JHY: variants seen among roughly 807,000 people sequenced by gnomAD.
JHY encodes the protein jhy protein homolog.
In JHY, 69 loss-of-function variants were observed where a neutral mutation model predicts 78.0. The observed-to-expected ratio is 0.88, with a 90% CI of 0.73 to 1.08. The LOEUF is 1.08. JHY is among the 50% of genes least tolerant of loss of function. The pLI, the probability that JHY is intolerant of heterozygous loss-of-function variation, is 0.00. For missense variants in JHY, 944 were observed against 927.8 expected (o/e 1.02, Z -0.23); for synonymous variants, 368 against 342.6 (o/e 1.07, Z -0.82).
intron 3 of JHY, among the ~76,000 whole-genome samples, chr11:122,919,145 A>G (rs894369144): frequency 1.3e-5 from 2 of 151,892 alleles, no homozygotes; most frequent in Non-Finnish European, 2.9e-5. Context: ...TGAGGTCAGA[A>G]GTTCGGGACC....
At chr11:122,884,987 T>A (rs1464956044) in intron 1 of JHY, among the ~76,000 whole-genome samples, 2 of 151,362 alleles carry the variant, frequency 1.3e-5, no homozygotes, top group Non-Finnish European at 3.0e-5. Flanking sequence ...TTTTTTTTTT[T>A]TTTGTAGAGA....
chr11:122,923,203 A>G (rs974293643), intron 3 of JHY, among the ~76,000 whole-genome samples: 1 of 152,244 alleles, frequency 6.6e-6, no homozygotes, highest in Non-Finnish European at 1.5e-5. Flanking sequence ...TCCAGAGGGC[A>G]GAGGGATAGA....
chr11:122,921,742 C>T (rs1863370614), intron 3 of JHY, among the ~76,000 whole-genome samples: 1 of 152,136 alleles, frequency 6.6e-6, no homozygotes, highest in East Asian at 1.9e-4. Context: ...GTAATCCCAG[C>T]ACTTTGGGAG....
chr11:122,958,079 C>T (rs2135386020), intron 8 of JHY, among the ~76,000 whole-genome samples: 1 of 152,278 alleles, frequency 6.6e-6, no homozygotes, highest in African/African-American at 2.4e-5. Flanking sequence ...TTCCCCTACA[C>T]TCTCCATAGG....
At chr11:122,900,286 G>A (rs1421927271) in intron 2 of JHY, among the ~76,000 whole-genome samples, 3 of 152,122 alleles carry the variant, frequency 2.0e-5, no homozygotes, top group South Asian at 2.1e-4. Flanking sequence ...AGAAACCTGG[G>A]TCCACATTAA....
At chr11:122,943,698 A>G (rs1863915385) in intron 5 of JHY, among the ~76,000 whole-genome samples, 1 of 152,176 alleles carries the variant, frequency 6.6e-6, no homozygotes, top group African/African-American at 2.4e-5. Flanking sequence ...GATGTAATCA[A>G]TATTTTTATT....
chr11:122,891,857 A>G (rs1164919647), intron 2 of JHY, among the ~76,000 whole-genome samples: 1 of 152,236 alleles, frequency 6.6e-6, no homozygotes, highest in Non-Finnish European at 1.5e-5. Context: ...GCCACTAATT[A>G]CAAGTATTCA....
chr11:122,896,334 C>T (rs1862739559), intron 2 of JHY, among the ~76,000 whole-genome samples: 1 of 97,644 alleles, frequency 1.0e-5, no homozygotes, highest in South Asian at 3.9e-4. Context: ...CAGAGGAAGA[C>T]TCTGTCTCAA....
intron 6 of JHY, among the ~76,000 whole-genome samples, chr11:122,952,484 C>T (rs1296051342): frequency 2.6e-5 from 4 of 152,154 alleles, no homozygotes; most frequent in Non-Finnish European, 4.4e-5. Context: ...AGAAAGGTCC[C>T]GTTGCTATAA....
At chr11:122,923,427 C>T (rs1041475809) in intron 3 of JHY, among the ~76,000 whole-genome samples, 1 of 152,142 alleles carries the variant, frequency 6.6e-6, no homozygotes, top group Non-Finnish European at 1.5e-5. Flanking sequence ...TAAACATCTA[C>T]CAGGGATGGT....
intron 5 of JHY, among the ~76,000 whole-genome samples, chr11:122,942,135 G>A (rs986568604): frequency 1.3e-5 from 2 of 152,052 alleles, no homozygotes; most frequent in Admixed American, 6.5e-5. Context: ...GCCTCCCAAA[G>A]TGCTGGGATT....
chr11:122,904,033 G>C lies in JHY; in HGVS notation c.453G>C (p.Thr151=). 2 of 1,614,102 alleles carry C rather than the reference G, an allele frequency of 1.2e-6. No individual in the cohort carries two copies. Among genetic ancestry groups the C allele is most frequent in the South Asian group, 1.1e-5 (1 of 91,076 alleles). ...LLSVEALPES[T]DSSLENLPLA... is the part of the protein sequence containing the mutation. The stretch of plus-strand genomic sequence containing the variant: ...CTGTGGAAGCGTTGCCGGAGTCCAC[G>C]GACAGCTCTTTAGAAAATCTGCCTT... The change falls in exon 3 of 9, where the codon ACG becomes ACC. Residue 151 remains threonine, a synonymous_variant. Coordinates refer to ENST00000227349, the MANE Select transcript of JHY (RefSeq NM_024806.4).
intron 8 of JHY, among the ~76,000 whole-genome samples, 158 bp downstream of exon 8, chr11:122,957,649 C>A (rs1462364168): frequency 1.3e-5 from 2 of 150,168 alleles, no homozygotes; most frequent in African/African-American, 2.5e-5. Flanking sequence ...CCAAACTAAG[C>A]CTCCCCAAGT....
chr11:122,894,047 G>A (rs930797791), intron 2 of JHY, among the ~76,000 whole-genome samples: 19 of 152,140 alleles, frequency 1.2e-4, no homozygotes, highest in Admixed American at 5.2e-4. Flanking sequence ...TTGGCCAGGC[G>A]TGGTGGCTTA....
chr11:122,900,780 T>C (rs527463298), intron 2 of JHY, among the ~76,000 whole-genome samples: 24 of 152,274 alleles, frequency 1.6e-4, no homozygotes, highest in African/African-American at 5.3e-4. Context: ...CTGGTCTGAT[T>C]TGAAGCCTCG....
intron 3 of JHY, among the ~76,000 whole-genome samples, chr11:122,908,911 T>C (rs1773730865): frequency 6.6e-6 from 1 of 152,134 alleles, no homozygotes; most frequent in Admixed American, 6.5e-5. Context: ...TAGAAATCAG[T>C]AAGAAAAAGA....
rs557035696 is a variant in JHY, at chr11:122,928,490, T to C, written c.978+3480T>C. 2.0e-3 allele frequency among the ~76,000 whole-genome samples: 307 copies of C among 151,760 alleles called. 1 individual carries two copies. The highest frequency in any genetic ancestry group is 7.2e-3 in the African/African-American group (299 of 41,376). ...ATCAAAATATTTCACACAACAAATA[T>C]TTATTGAGTATCTACTGCATTCCAG... On this transcript the variant is annotated intron_variant, in intron 4 of 8. Transcript: ENST00000227349.
chr11:122,955,791 G>A (rs1269653859), intron 6 of JHY, among the ~76,000 whole-genome samples: 1 of 152,084 alleles, frequency 6.6e-6, no homozygotes, highest in Non-Finnish European at 1.5e-5. Context: ...AGCAAAACTT[G>A]AAAGGTTGCT....
At chr11:122,951,632 C>T (rs1864088199) in intron 6 of JHY, among the ~76,000 whole-genome samples, 1 of 152,200 alleles carries the variant, frequency 6.6e-6, no homozygotes, top group Admixed American at 6.5e-5. Flanking sequence ...AGAGTTGAAA[C>T]AGGTCCTCAC....
Sources: allele counts gnomAD v4.1 joint callset (sites outside exome capture counted in the v4.1 genomes callset), GRCh38; gene constraint gnomAD v4.1.1; transcripts MANE v1.5; gene names NCBI Gene and HGNC (gene_info 2026-07-23, HGNC 2026-07-21).